LRP1B: variants seen among roughly 807,000 people sequenced by gnomAD.
The protein encoded by LRP1B is low-density lipoprotein receptor-related protein 1B.
LRP1B carries 217 observed loss-of-function variants against 556.6 expected under a neutral mutation model. That is an observed-to-expected ratio of 0.39 (90% confidence interval 0.35 to 0.44). The LOEUF is 0.44. LRP1B is among the 20% of genes least tolerant of loss of function. The pLI, the probability that LRP1B is intolerant of heterozygous loss-of-function variation, is 1.00. For synonymous variants in LRP1B, 2,047 were observed against 1,865.8 expected (o/e 1.10, Z -2.50); for missense variants, 5,053 against 5,620.8 (o/e 0.90, Z 3.23).
At chr2:140,502,124 C>T (rs1285844651) in intron 54 of LRP1B, among the ~76,000 whole-genome samples, 1 of 151,940 alleles carries the variant, frequency 6.6e-6, no homozygotes, top group Admixed American at 6.6e-5. Context: ...TCAAAATAAA[C>T]ATCCATAGTA....
chr2:140,501,618 G>T (rs981489290), intron 55 of LRP1B, 69 bp downstream of exon 55: 2 of 1,182,706 alleles, frequency 1.7e-6, no homozygotes, highest in Non-Finnish European at 1.2e-6. Context: ...ATCTATATTG[G>T]ATTAAATAGC....
intron 1 of LRP1B, among the ~76,000 whole-genome samples, chr2:141,824,182 G>A (rs539885082): frequency 6.6e-6 from 1 of 152,166 alleles, no homozygotes; most frequent in South Asian, 2.1e-4. Flanking sequence ...GCTATTGAAT[G>A]TTCATTATGT....
At chr2:141,030,481 G>A (rs1303330656) in intron 11 of LRP1B, among the ~76,000 whole-genome samples, 3 of 152,012 alleles carry the variant, frequency 2.0e-5, no homozygotes, top group Non-Finnish European at 4.4e-5. Context: ...AAATATCAAG[G>A]TAATTTGTTT....
intron 18 of LRP1B, among the ~76,000 whole-genome samples, chr2:140,976,943 C>T (rs1696619165): frequency 1.3e-5 from 2 of 152,102 alleles, no homozygotes; most frequent in African/African-American, 2.4e-5. Context: ...TAATGAGATA[C>T]TTGGAAGACA....
chr2:140,395,815 T>C (rs1684223437), intron 66 of LRP1B, among the ~76,000 whole-genome samples: 1 of 152,228 alleles, frequency 6.6e-6, no homozygotes, highest in South Asian at 2.1e-4. Context: ...ATTCACATTA[T>C]GCAGTTTCAG....
At chr2:141,968,862 G>A (rs549323583) in intron 1 of LRP1B, among the ~76,000 whole-genome samples, 4 of 151,666 alleles carry the variant, frequency 2.6e-5, no homozygotes, top group African/African-American at 4.8e-5. Context: ...AATCTCTACC[G>A]CATTATTAAT....
chr2:141,292,279 C>T (rs189780002), intron 3 of LRP1B, among the ~76,000 whole-genome samples: 1 of 152,260 alleles, frequency 6.6e-6, no homozygotes, highest in African/African-American at 2.4e-5. Context: ...GAAACTGGTC[C>T]CAGGTACCAA....
At chr2:140,632,425 G>T (rs1421304624) in intron 41 of LRP1B, among the ~76,000 whole-genome samples, 1 of 152,014 alleles carries the variant, frequency 6.6e-6, no homozygotes, top group Non-Finnish European at 1.5e-5. Context: ...AAGTAATATG[G>T]CACTATTTGA....
At chr2:142,073,855 G>A (rs1440832426) in intron 1 of LRP1B, among the ~76,000 whole-genome samples, 3 of 151,736 alleles carry the variant, frequency 2.0e-5, no homozygotes, top group Admixed American at 6.6e-5. Flanking sequence ...CTCCAGCCAC[G>A]TGCACTGCTG....
chr2:140,507,671 A>C lies in LRP1B; in HGVS notation c.8399-753T>G, dbSNP rs181408289. Among the ~76,000 whole-genome samples the C allele has an allele frequency of 3.5e-3, 529 of 152,332 alleles. 3 individuals carry two copies. Among genetic ancestry groups the C allele is most frequent in the African/African-American group, 0.01 (434 of 41,588 alleles). On this transcript the variant is annotated intron_variant, in intron 52 of 90. Coordinates refer to ENST00000389484, the MANE Select transcript of LRP1B (RefSeq NM_018557.3). Reference sequence around the variant, plus strand: ...AAAAAATTAATACCATACGCATAGAATCATAAGAGGTTTGCAAGACTCATT... The same window carrying C: ...AAAAAATTAATACCATACGCATAGACTCATAAGAGGTTTGCAAGACTCATT...
At chr2:140,595,815 T>C (rs1384306369) in intron 43 of LRP1B, among the ~76,000 whole-genome samples, 3 of 152,184 alleles carry the variant, frequency 2.0e-5, no homozygotes, top group Admixed American at 6.5e-5. Flanking sequence ...GTAATGTTCA[T>C]GCAATTAGTC....
intron 47 of LRP1B, among the ~76,000 whole-genome samples, chr2:140,528,167 A>T (rs1385770): frequency 0.76 from 115,656 of 151,754 alleles, 44,374 homozygotes; most frequent in East Asian, 0.9. Flanking sequence ...CAGACAGTCA[A>T]GAAAACTGGA....
At chr2:140,688,944 C>A (rs1686142603) in intron 41 of LRP1B, among the ~76,000 whole-genome samples, 1 of 152,110 alleles carries the variant, frequency 6.6e-6, no homozygotes, top group African/African-American at 2.4e-5. Flanking sequence ...ACATAGTCAG[C>A]CCACAAATAG....
rs369279243 is a variant in LRP1B at position 141,892,719 on chromosome 2, T to C, written c.83-82318A>G. Among the ~76,000 whole-genome samples, 5 of 152,162 alleles carry C rather than the reference T, an allele frequency of 3.3e-5. No homozygotes were observed. The East Asian group carries it at 5.8e-4, about 18-fold the overall frequency. ...ACAAGTTGAGGAAAAAAGTAACTTG[T>C]AGATTACAGAGGTCAAAATGGTGAA... is the stretch of plus-strand genomic sequence containing the variant. On this transcript the variant is annotated intron_variant, in intron 1 of 90. Transcript: ENST00000389484.
chr2:141,660,137 T>C (rs1690158354), intron 2 of LRP1B, among the ~76,000 whole-genome samples: 1 of 151,684 alleles, frequency 6.6e-6, no homozygotes, highest in African/African-American at 2.4e-5. Context: ...ATCCAGGTTC[T>C]CTTGCTGGGA....
chr2:141,608,283 G>T (rs1021829228), intron 2 of LRP1B, among the ~76,000 whole-genome samples: 2 of 152,158 alleles, frequency 1.3e-5, no homozygotes, highest in African/African-American at 4.8e-5. Flanking sequence ...ATACTGCATG[G>T]TTTTTGGCAA....
intron 11 of LRP1B, among the ~76,000 whole-genome samples, chr2:141,047,695 G>T (rs916834622): frequency 1.3e-5 from 2 of 151,988 alleles, no homozygotes; most frequent in African/African-American, 4.8e-5. Flanking sequence ...GCATTTTAGT[G>T]CCTTTCACTT....
At chr2:141,389,835 T>C (rs1055869257) in intron 3 of LRP1B, among the ~76,000 whole-genome samples, 2 of 152,154 alleles carry the variant, frequency 1.3e-5, no homozygotes, top group East Asian at 3.9e-4. Context: ...TTGATGGACA[T>C]TTCTTTAAAG....
chr2:140,619,595 T>C (rs1356604413), intron 41 of LRP1B, among the ~76,000 whole-genome samples: 1 of 152,194 alleles, frequency 6.6e-6, no homozygotes, highest in Non-Finnish European at 1.5e-5. Context: ...CGTATAACCT[T>C]GTTTCTCATT....
Sources: allele counts gnomAD v4.1 joint callset (sites outside exome capture counted in the v4.1 genomes callset), GRCh38; gene constraint gnomAD v4.1.1; transcripts MANE v1.5; gene names NCBI Gene and HGNC (gene_info 2026-07-23, HGNC 2026-07-21).